The following C10orf90 variants were observed in gnomAD, a reference collection of about 807,000 sequenced individuals.
C10orf90 encodes the protein (E2-independent) E3 ubiquitin-conjugating enzyme FATS.
C10orf90 carries 56 observed loss-of-function variants against 62.5 expected under a neutral mutation model. The ratio of observed to expected loss-of-function variants is 0.90; its 90% CI spans 0.72 to 1.12. The LOEUF (loss-of-function observed/expected upper bound fraction) is 1.12. Among genes scored for constraint, C10orf90 ranks in the 50% most tolerant of loss-of-function variants. C10orf90 has a pLI of 0.00. For missense variants in C10orf90, 970 were observed against 880.4 expected (o/e 1.10, Z -1.29); for synonymous variants, 386 against 340.4 (o/e 1.13, Z -1.47).
intron 2 of C10orf90, among the ~76,000 whole-genome samples, chr10:126,540,736 T>C (rs771792838): frequency 6.6e-6 from 1 of 151,054 alleles, no homozygotes; most frequent in African/African-American, 2.4e-5. Context: ...ACTGCCATAC[T>C]GCATATCGAA....
intron 1 of C10orf90, among the ~76,000 whole-genome samples, chr10:126,650,543 A>AC (rs534004376): frequency 9.2e-5 from 14 of 151,860 alleles, no homozygotes; most frequent in Non-Finnish European, 1.8e-4. Context: ...CCAAAGTCAC[A>AC]CCCCCCTAGT....
intron 7 of C10orf90, among the ~76,000 whole-genome samples, chr10:126,440,324 AG>A (rs1858224055): frequency 6.6e-6 from 1 of 152,068 alleles, no homozygotes; most frequent in African/African-American, 2.4e-5. Context: ...TAATCCTCCT[AG>A]GTAAGTAACT....
intron 7 of C10orf90, among the ~76,000 whole-genome samples, chr10:126,454,258 G>T (rs976131401): frequency 6.6e-6 from 1 of 150,660 alleles, no homozygotes; most frequent in African/African-American, 2.4e-5. Flanking sequence ...ATGACTTGCA[G>T]AAGATGTATC....
chr10:126,519,365 C>T (rs1034815036), intron 2 of C10orf90, among the ~76,000 whole-genome samples: 1 of 152,196 alleles, frequency 6.6e-6, no homozygotes, highest in African/African-American at 2.4e-5. Context: ...TGGCTTATCT[C>T]TACAAAAGTA....
chr10:126,431,629 C>G (rs558959469), intron 7 of C10orf90, among the ~76,000 whole-genome samples: 26 of 152,296 alleles, frequency 1.7e-4, no homozygotes, highest in African/African-American at 5.8e-4. Context: ...AGATTCAAGT[C>G]CAGCTCAGCA....
At chr10:126,432,579 A>G (rs190557691) in intron 7 of C10orf90, among the ~76,000 whole-genome samples, 39 of 152,336 alleles carry the variant, frequency 2.6e-4, no homozygotes, top group African/African-American at 8.4e-4. Flanking sequence ...GGGAGGAGAT[A>G]TTTAAACCAA....
Position 126,456,240 on chromosome 10 carries a change from T to A in C10orf90, c.2188+2800A>T, listed in dbSNP as rs1192934820. Among the ~76,000 whole-genome samples the A allele has an allele frequency of 2.0e-5, 3 of 152,220 alleles. No homozygotes were observed. The highest frequency in any genetic ancestry group is 4.4e-5 in the Non-Finnish European group (3 of 68,038). On this transcript the variant is annotated intron_variant, in intron 7 of 9. Coordinates refer to ENST00000488181, the MANE Select transcript of C10orf90 (RefSeq NM_001350921.2). The surrounding 1 kb of genome is among the most constrained non-coding windows in gnomAD (Gnocchi z 4.9). The stretch of plus-strand genomic sequence containing the variant: ...ACATTTCTTCTCACTTGCCCGAGCT[T>A]GTATGAGGCTCTGGTTTCAGAGGCT...
rs143520846 is a variant in C10orf90, at chr10:126,515,328, T to C, written c.314-1389A>G. 3.3e-4 allele frequency among the ~76,000 whole-genome samples: 51 copies of C among 152,336 alleles called. No individual in the cohort carries two copies. In the East Asian group the frequency reaches 9.6e-3, roughly 29 times the overall value. On this transcript the variant is annotated intron_variant, in intron 2 of 9. Coordinates refer to ENST00000488181, the MANE Select transcript of C10orf90 (RefSeq NM_001350921.2). ...CTAGGCCTCCCCATTCACTCACCAC[T>C]CACTCACTCATCCAGATCAACTTCC...
intron 3 of C10orf90, among the ~76,000 whole-genome samples, chr10:126,507,500 C>CA (rs775464275): frequency 0.024 from 2,707 of 114,084 alleles, 62 homozygotes; most frequent in African/African-American, 0.071. Flanking sequence ...TACTTTTTTC[C>CA]AAAAAAAAAA....
chr10:126,442,633 G>A (rs544604282), intron 7 of C10orf90, among the ~76,000 whole-genome samples: 20 of 88,448 alleles, frequency 2.3e-4, no homozygotes, highest in African/African-American at 7.0e-4. Context: ...TTGTGTGTGT[G>A]TATATATATA....
chr10:126,531,333 G>A (rs1239269469), intron 2 of C10orf90, among the ~76,000 whole-genome samples: 1 of 152,178 alleles, frequency 6.6e-6, no homozygotes, highest in East Asian at 1.9e-4. Flanking sequence ...AATGCAACTG[G>A]CATTGGTGGG....
intron 4 of C10orf90, chr10:126,470,084 A>G (rs1430402943): frequency 2.2e-6 from 1 of 449,910 alleles, no homozygotes; most frequent in Non-Finnish European, 4.5e-6. Context: ...CATGTTGCAT[A>G]CTGCAGGGGG....
chr10:126,565,185 T>TAATATTATATTACATATTATGTAATATA (rs1844325756), intron 2 of C10orf90, among the ~76,000 whole-genome samples: 1 of 67,278 alleles, frequency 1.5e-5, no homozygotes, highest in Non-Finnish European at 2.6e-5. Context: ...TTATGTAATA[T>TAATATTATATTACATATTATGTAATATA]AATATTTATA....
chr10:126,454,014 C>T (rs575790470), intron 7 of C10orf90, among the ~76,000 whole-genome samples: 1 of 152,070 alleles, frequency 6.6e-6, no homozygotes, highest in Non-Finnish European at 1.5e-5. Context: ...AAGCTGGGCC[C>T]CCAGCCTAGA....
intron 1 of C10orf90, among the ~76,000 whole-genome samples, chr10:126,653,970 C>CT (rs932606680): frequency 5.3e-5 from 8 of 151,714 alleles, no homozygotes; most frequent in Admixed American, 1.3e-4. Flanking sequence ...TGAAAGGAAT[C>CT]TTTTTTTTTC....
rs1176154032 is a variant in C10orf90, at chr10:126,564,832, C to CTA, written c.314-50895_314-50894dup. 8.4e-3 allele frequency among the ~76,000 whole-genome samples: 48 copies of CTA among 5,696 alleles called. 6 individuals are homozygous for CTA. The highest frequency in any genetic ancestry group is 0.029 in the South Asian group (2 of 68). The allele number at this position is 5,696 out of a possible 152,430, so 3.7% of individuals were successfully genotyped here. The stretch of plus-strand genomic sequence containing the variant: ...AGTTTAGGAATAAGACTCTCTCTCT[C>CTA]TATATATATATTATATATTATATAA... On this transcript the variant is annotated intron_variant, in intron 2 of 9. Coordinates refer to ENST00000488181, the MANE Select transcript of C10orf90 (RefSeq NM_001350921.2).
At chr10:126,490,054 G>A (rs1433777122) in intron 4 of C10orf90, among the ~76,000 whole-genome samples, 31 of 77,446 alleles carry the variant, frequency 4.0e-4, no homozygotes, top group South Asian at 3.1e-3. Flanking sequence ...TATATATTAT[G>A]TTATATAATA....
intron 7 of C10orf90, among the ~76,000 whole-genome samples, chr10:126,438,454 T>C (rs780028908): frequency 1.3e-5 from 2 of 152,172 alleles, no homozygotes; most frequent in African/African-American, 4.8e-5. Context: ...ATTAAACAAA[T>C]TTAAGGTGGC....
At chr10:126,530,197 A>G (rs1278167189) in intron 2 of C10orf90, among the ~76,000 whole-genome samples, 1 of 152,208 alleles carries the variant, frequency 6.6e-6, no homozygotes, top group African/African-American at 2.4e-5. Context: ...AAATGAATAA[A>G]CTATACGTAT....
Sources: gnomAD v4.1 joint callset for allele counts (sites outside exome capture counted in the v4.1 genomes callset) on GRCh38, gnomAD v4.1.1 for gene constraint, Gnocchi (gnomAD v3.1) non-coding constraint, MANE v1.5 for transcripts, NCBI Gene and HGNC (gene_info 2026-07-23, HGNC 2026-07-21) for gene names.